The following GPC5 variants were observed in gnomAD, a reference collection of about 807,000 sequenced individuals.
GPC5 encodes the protein glypican 5, also known as glypican-5.
Under a neutral mutation model 53.9 loss-of-function variants are expected in GPC5, and 47 were observed. That is an observed-to-expected ratio of 0.87 (90% CI 0.69 to 1.11). The LOEUF is 1.11. GPC5 is among the 50% of genes most tolerant of loss of function. The pLI is 0.00. For synonymous variants in GPC5, 286 were observed against 263.3 expected (o/e 1.09, Z -0.84); for missense variants, 748 against 713.1 (o/e 1.05, Z -0.56).
chr13:92,293,684 A>G (rs1249312523), intron 7 of GPC5, among the ~76,000 whole-genome samples: 1 of 151,866 alleles, frequency 6.6e-6, no homozygotes, highest in African/African-American at 2.4e-5. Flanking sequence ...GATGCGCTGT[A>G]TTTCTTTCTC....
chr13:92,223,031 C>A (rs190417768), intron 7 of GPC5, among the ~76,000 whole-genome samples: 1 of 151,768 alleles, frequency 6.6e-6, no homozygotes. Flanking sequence ...ACTATAATCC[C>A]GAATATAATT....
intron 7 of GPC5, among the ~76,000 whole-genome samples, chr13:92,303,073 C>G (rs886511927): frequency 1.3e-5 from 2 of 152,140 alleles, no homozygotes; most frequent in Non-Finnish European, 2.9e-5. Flanking sequence ...TTATTCTCCT[C>G]TAACATTTTC....
intron 7 of GPC5, among the ~76,000 whole-genome samples, chr13:92,549,562 T>G (rs936947835): frequency 6.6e-6 from 1 of 152,066 alleles, no homozygotes; most frequent in Non-Finnish European, 1.5e-5. Flanking sequence ...TGCCACATCC[T>G]GGCATTGAAA....
intron 5 of GPC5, among the ~76,000 whole-genome samples, chr13:91,867,129 C>A (rs1327581409): frequency 6.6e-6 from 1 of 152,170 alleles, no homozygotes; most frequent in Non-Finnish European, 1.5e-5. Flanking sequence ...GCAGGAGAAT[C>A]ACTTGAACTG....
intron 6 of GPC5, among the ~76,000 whole-genome samples, chr13:91,992,792 A>G (rs1391401296): frequency 6.6e-6 from 1 of 152,162 alleles, no homozygotes; most frequent in Non-Finnish European, 1.5e-5. Context: ...CAGTGCAATT[A>G]CATATATATA....
chr13:92,691,908 T>C (rs1887412780), intron 7 of GPC5, among the ~76,000 whole-genome samples: 2 of 152,160 alleles, frequency 1.3e-5, no homozygotes, highest in South Asian at 2.1e-4. Context: ...AGTGGGTACA[T>C]ATACAGGTTT....
At chr13:92,272,281 A>G (rs992344056) in intron 7 of GPC5, among the ~76,000 whole-genome samples, 4 of 152,186 alleles carry the variant, frequency 2.6e-5, no homozygotes, top group Admixed American at 2.0e-4. Context: ...AACACAGGAA[A>G]GAAGGGAAAG....
At chr13:91,542,348 CTATT>C (rs946620915) in intron 2 of GPC5, among the ~76,000 whole-genome samples, 42 of 152,256 alleles carry the variant, frequency 2.8e-4, no homozygotes, top group African/African-American at 9.9e-4. Context: ...AAGGAATTAA[CTATT>C]TATTAGAAGA....
At chr13:92,497,032 A>C (rs980299247) in intron 7 of GPC5, among the ~76,000 whole-genome samples, 3 of 152,138 alleles carry the variant, frequency 2.0e-5, no homozygotes, top group Non-Finnish European at 4.4e-5. Flanking sequence ...AGATTACAAA[A>C]GTTTTCTCCC....
chr13:92,050,702 C>G (rs1205519731), intron 6 of GPC5, among the ~76,000 whole-genome samples: 2 of 152,136 alleles, frequency 1.3e-5, no homozygotes, highest in Non-Finnish European at 2.9e-5. Flanking sequence ...GGTGTTTTTC[C>G]TGAAGTGTAA....
chr13:91,583,853 A>G (rs1465701489), intron 2 of GPC5, among the ~76,000 whole-genome samples: 1 of 152,184 alleles, frequency 6.6e-6, no homozygotes, highest in Admixed American at 6.5e-5. Context: ...TGTACCAGGT[A>G]TGTTGCAAAA....
chr13:91,723,799 T>C (rs193253390), intron 3 of GPC5, among the ~76,000 whole-genome samples: 1 of 152,332 alleles, frequency 6.6e-6, no homozygotes, highest in East Asian at 1.9e-4. Flanking sequence ...GATAATTCTG[T>C]TCCCTTGCCC....
intron 5 of GPC5, among the ~76,000 whole-genome samples, chr13:91,886,807 ACAGC>A (rs1217478343): frequency 6.6e-6 from 1 of 152,200 alleles, no homozygotes; most frequent in Non-Finnish European, 1.5e-5. Flanking sequence ...GTGATCTTCC[ACAGC>A]CTTGGTCAGC....
chr13:92,512,259 C>T (rs528540595), intron 7 of GPC5, among the ~76,000 whole-genome samples: 13 of 151,946 alleles, frequency 8.6e-5, no homozygotes, highest in African/African-American at 1.9e-4. Context: ...TGCGCGCGCG[C>T]GCGCGTACGC....
intron 5 of GPC5, among the ~76,000 whole-genome samples, chr13:91,852,013 C>A (rs921909513): frequency 1.3e-5 from 2 of 151,036 alleles, no homozygotes; most frequent in East Asian, 3.9e-4. Flanking sequence ...TGGGTATATA[C>A]CCAGTAATGG....
At chr13:91,813,724 T>A (rs1052527687) in intron 5 of GPC5, among the ~76,000 whole-genome samples, 2 of 152,106 alleles carry the variant, frequency 1.3e-5, no homozygotes, top group African/African-American at 4.8e-5. Flanking sequence ...ACTCTTTTTG[T>A]AAAAGTAAGA....
intron 7 of GPC5, among the ~76,000 whole-genome samples, chr13:92,635,393 A>G (rs1049474479): frequency 1.3e-5 from 2 of 152,192 alleles, no homozygotes; most frequent in East Asian, 3.8e-4. Flanking sequence ...AGAGCATGGC[A>G]CCAGCATGTA....
At chr13:91,752,109 T>C (rs1474946816) in intron 4 of GPC5, among the ~76,000 whole-genome samples, 1 of 152,230 alleles carries the variant, frequency 6.6e-6, no homozygotes, top group East Asian at 1.9e-4. Flanking sequence ...TCTCTGTGCC[T>C]GTGTGTCCCT....
chr13:92,791,399 T>G (rs1275712482), intron 7 of GPC5, among the ~76,000 whole-genome samples: 1 of 147,462 alleles, frequency 6.8e-6, no homozygotes, highest in African/African-American at 2.6e-5. Context: ...GTGTGTAACT[T>G]TGTGAGTGTA....
Sources: allele counts gnomAD v4.1 joint callset (sites outside exome capture counted in the v4.1 genomes callset), GRCh38; gene constraint gnomAD v4.1.1; transcripts MANE v1.5; gene names NCBI Gene and HGNC (gene_info 2026-07-23, HGNC 2026-07-21).